The following FAM186A variants were observed in gnomAD, a reference collection of about 807,000 sequenced individuals.
FAM186A encodes family with sequence similarity 186 member A.
Under a neutral mutation model 216.8 loss-of-function variants are expected in FAM186A, and 163 were observed. That is an observed-to-expected ratio of 0.75 (90% CI 0.66 to 0.86). The LOEUF is 0.86. FAM186A is among the 40% of genes least tolerant of loss of function. The probability of loss-of-function intolerance (pLI) is 0.00; values close to 1 mark genes in which losing one functional copy is unlikely to be tolerated. For synonymous variants in FAM186A, 805 were observed against 1,025.3 expected, an observed-to-expected ratio of 0.79 and a Z score of 4.10; for missense variants, 2,184 against 2,746.2, an observed-to-expected ratio of 0.80 and a Z score of 4.58.
chr12:50,363,199 T>C lies in FAM186A; in HGVS notation c.358A>G (p.Ile120Val), dbSNP rs2136097776. The stretch of plus-strand genomic sequence containing the variant: ...GCAAGAGTCTTTTCTCTTATTTCAA[T>C]AGTCTTAGCGTAAGTAGCCATTTTC... ...LEKMATYAKTIEIREKTLANI... is the reference protein window; with the variant it reads ...LEKMATYAKTVEIREKTLANI... Residue 120 changes from isoleucine (I) to valine (V), a missense_variant, in exon 2 of 8, where the codon ATT becomes GTT. Physicochemically the swap from Ile to Val is conservative, Grantham distance 29. Transcript: ENST00000327337. 6.4e-7 allele frequency: 1 copy of C among 1,551,518 alleles called. No homozygotes were observed. Among genetic ancestry groups the C allele is most frequent in the South Asian group, 1.2e-5 (1 of 84,050 alleles).
chr12:50,353,607 G>T lies in FAM186A; in HGVS notation c.3225C>A (p.Leu1075=). Residue 1075 remains leucine (L), a synonymous_variant, in exon 4 of 8, where the codon CTC becomes CTA. Coordinates refer to ENST00000327337, the MANE Select transcript of FAM186A (RefSeq NM_001145475.3). ...SGQPLTKCIH[L]TPQQAQEVGI... ...CCACTTCCTGGGCCTGCTGAGGTGT[G>T]AGATGAATGCATTTAGTGAGAGGCT... 6.5e-7 allele frequency: 1 copy of T among 1,529,994 alleles called. No homozygotes were observed. The highest frequency in any genetic ancestry group is 8.8e-7 in the Non-Finnish European group (1 of 1,138,040). 94.8% of individuals were successfully genotyped at this position (1,529,994 alleles called of 1,614,324 possible). A position where few individuals can be genotyped will look rare whatever the true frequency, so the allele number is the denominator to read the frequency against.
At chr12:50,332,860 T>G (rs975430802) in intron 5 of FAM186A, among the ~76,000 whole-genome samples, 3 of 151,802 alleles carry the variant, frequency 2.0e-5, no homozygotes, top group African/African-American at 7.3e-5. Flanking sequence ...AAACCCCATC[T>G]CTACTAAAAA....
chr12:50,377,298 A>C (rs1300424098), intron 1 of FAM186A, among the ~76,000 whole-genome samples: 1 of 152,210 alleles, frequency 6.6e-6, no homozygotes, highest in Non-Finnish European at 1.5e-5. Context: ...GCAACTCAGT[A>C]GAGAAAGGAC....
intron 1 of FAM186A, among the ~76,000 whole-genome samples, chr12:50,371,638 G>A (rs1592624890): frequency 6.6e-6 from 1 of 152,028 alleles, no homozygotes; most frequent in East Asian, 1.9e-4. Flanking sequence ...TAGGGGATAA[G>A]GAGAAAGGGA....
At chr12:50,366,049 G>A (rs1943084658) in intron 1 of FAM186A, 1 of 750,084 alleles carries the variant, frequency 1.3e-6, no homozygotes, top group Admixed American at 1.8e-5. Context: ...AAGGAAAAGA[G>A]CAAATACAAG....
intron 1 of FAM186A, among the ~76,000 whole-genome samples, chr12:50,372,811 G>C (rs1481367867): frequency 1.3e-5 from 2 of 149,774 alleles, no homozygotes; most frequent in African/African-American, 4.9e-5. Context: ...ATGAGGCAGA[G>C]AATTGCTTGA....
Position 50,360,861 on chromosome 12 carries a change from C to T in FAM186A, c.478G>A (p.Glu160Lys), listed in dbSNP as rs1170915910. 6.4e-7 allele frequency: 1 copy of T among 1,551,232 alleles called. No individual in the cohort carries two copies. Among genetic ancestry groups the T allele is most frequent in the East Asian group, 2.4e-5 (1 of 40,906 alleles). ...GCTTTTAACGTGTCCGGTAACAACT[C>T]CATTTGTGCTATCCAGTGGTGGTGT... ...DEHHHWIAQMELLPDTLKAIE... is the reference protein window; with the variant it reads ...DEHHHWIAQMKLLPDTLKAIE... Residue 160 changes from glutamate (E) to lysine (K), a missense_variant, in exon 3 of 8, where the codon GAG becomes AAG. By Grantham distance (56) the Glu-to-Lys change is moderately conservative. Coordinates refer to ENST00000327337, the MANE Select transcript of FAM186A (RefSeq NM_001145475.3).
chr12:50,385,417 C>CAAAAA (rs1281395536), intron 1 of FAM186A, among the ~76,000 whole-genome samples: 3 of 51,862 alleles, frequency 5.8e-5, no homozygotes, highest in African/African-American at 6.6e-5. Flanking sequence ...GACTCTGTCT[C>CAAAAA]AAAAAAAAAA....
At chr12:50,345,543 T>A (rs1007715254) in intron 4 of FAM186A, among the ~76,000 whole-genome samples, 7 of 152,248 alleles carry the variant, frequency 4.6e-5, no homozygotes, top group Non-Finnish European at 4.4e-5. Flanking sequence ...AAGGTAGGGA[T>A]GCAATTTCAT....
chr12:50,351,545 A>G lies in FAM186A; in HGVS notation c.5287T>C (p.Ser1763Pro), dbSNP rs1240291632. Reference protein sequence around the residue: ...FGVSSTPLQISRVPLNQGPFA... With the variant: ...FGVSSTPLQIPRVPLNQGPFA... ...GGGCCTTGGTTGAGGGGAACCCTTGATATCTGCAAAGGAGTAGAAGAGACC... is the reference window on the plus strand; with the variant it reads ...GGGCCTTGGTTGAGGGGAACCCTTGGTATCTGCAAAGGAGTAGAAGAGACC... Residue 1763 changes from serine to proline, a missense_variant, in exon 4 of 8, where the codon TCA becomes CCA. By Grantham distance (74) the Ser-to-Pro change is moderately conservative (BLOSUM62 -1). This residue lies in a region of FAM186A where 721 missense variants were observed against 816.4 expected (regional missense o/e 0.88). Coordinates refer to ENST00000327337, the MANE Select transcript of FAM186A (RefSeq NM_001145475.3). 3 of 1,535,822 alleles carry G rather than the reference A, an allele frequency of 2.0e-6. No individual in the cohort carries two copies. The highest frequency in any genetic ancestry group is 2.6e-6 in the Non-Finnish European group (3 of 1,139,962).
Position 50,354,669 on chromosome 12 carries a change from A to C in FAM186A, c.2163T>G (p.Tyr721Ter). Residue 721 changes from tyrosine (Y) to a stop codon, truncating the protein, a stop_gained, in exon 4 of 8, where the codon TAT becomes TAG. Transcript: ENST00000327337. LOFTEE classifies it high-confidence loss of function. ...TCACAGTTTCAGCCACTTTTTGGAA[A>C]TATTCCTCCATTTTTGCCTTTATGA... ...LGIIKAKMEE[Y>*]FQKVAETVTK... The C allele has an allele frequency of 2.6e-6, 4 of 1,548,052 alleles. No homozygotes were observed. Among genetic ancestry groups the C allele is most frequent in the Non-Finnish European group, 3.5e-6 (4 of 1,146,316 alleles).
chr12:50,363,443 G>C (rs916488482), intron 1 of FAM186A, 79 bp from the exon 2 acceptor site: 1 of 1,202,336 alleles, frequency 8.3e-7, no homozygotes, highest in Non-Finnish European at 1.2e-6. Context: ...CAGAACGTCA[G>C]TGACAGTTAA....
intron 6 of FAM186A, 66 bp downstream of exon 6, chr12:50,331,604 G>C (rs1942656598): frequency 7.1e-7 from 1 of 1,417,782 alleles, no homozygotes. Flanking sequence ...AAGTTCTTGG[G>C]CAGGGAAAAA....
intron 4 of FAM186A, among the ~76,000 whole-genome samples, chr12:50,343,042 G>C (rs1378005648): frequency 6.6e-6 from 1 of 151,614 alleles, no homozygotes; most frequent in African/African-American, 2.4e-5. Flanking sequence ...TTGAGCCTAG[G>C]AATTCAAGAC....
In FAM186A at chr12:50,354,890, T is replaced by C; in HGVS notation, c.1942A>G (p.Lys648Glu). Residue 648 changes from lysine (K) to glutamate (E), a missense_variant, in exon 4 of 8, where the codon AAA (lysine) becomes GAA (glutamate). By Grantham distance (56) the Lys-to-Glu change is moderately conservative. Transcript: ENST00000327337. ...ACTCTGGTAGATTCTGAAGTCTCTT[T>C]AGCCACTCTTGAGAGTGATTTAACA... ...QLVKSLSRVAKETSESTRVLE... is the reference protein window; with the variant it reads ...QLVKSLSRVAEETSESTRVLE... 3 of 1,550,652 alleles carry C rather than the reference T, an allele frequency of 1.9e-6. No individual in the cohort carries two copies. The highest frequency in any genetic ancestry group is 2.6e-6 in the Non-Finnish European group (3 of 1,146,874).
At chr12:50,378,369 A>G (rs1943219195) in intron 1 of FAM186A, among the ~76,000 whole-genome samples, 2 of 151,684 alleles carry the variant, frequency 1.3e-5, no homozygotes, top group African/African-American at 4.8e-5. Flanking sequence ...TCTCTACTAA[A>G]AAGTACAAAA....
chr12:50,381,094 A>C (rs960243814), intron 1 of FAM186A, among the ~76,000 whole-genome samples: 3 of 152,176 alleles, frequency 2.0e-5, no homozygotes, highest in Admixed American at 2.0e-4. Flanking sequence ...GACACCAGGA[A>C]CCACAGAGCC....
At chr12:50,364,161 C>T (rs572719118) in intron 1 of FAM186A, among the ~76,000 whole-genome samples, 12 of 152,058 alleles carry the variant, frequency 7.9e-5, no homozygotes, top group Non-Finnish European at 1.3e-4. Context: ...GAAGAACTGT[C>T]TCAAATCCTG....
chr12:50,387,196 C>T (rs1943312521), intron 1 of FAM186A, among the ~76,000 whole-genome samples: 1 of 152,176 alleles, frequency 6.6e-6, no homozygotes, highest in African/African-American at 2.4e-5. Context: ...ACACCAGTCA[C>T]AAATCCAGGC....
Sources: gnomAD v4.1 joint callset for allele counts (sites outside exome capture counted in the v4.1 genomes callset) on GRCh38, gnomAD v4.1.1 for gene constraint, gnomAD v4.1.1 regional missense constraint, MANE v1.5 for transcripts, NCBI Gene and HGNC (gene_info 2026-07-23, HGNC 2026-07-21) for gene names.